The following MINDY3 variants were observed in gnomAD, a reference collection of about 807,000 sequenced individuals.
The protein encoded by MINDY3 is ubiquitin carboxyl-terminal hydrolase MINDY-3.
Under a neutral mutation model 69.2 loss-of-function variants are expected in MINDY3, and 38 were observed. That is an observed-to-expected ratio of 0.55 (90% CI 0.42 to 0.72). The LOEUF (loss-of-function observed/expected upper bound fraction) is 0.72. Ranked by LOEUF, MINDY3 falls within the 30% of genes least tolerant of loss-of-function variation. The pLI, the probability that MINDY3 is intolerant of heterozygous loss-of-function variation, is 0.00. For synonymous variants in MINDY3, 192 were observed against 180.1 expected (o/e 1.07, Z -0.53); for missense variants, 522 against 519.0 (o/e 1.01, Z -0.06).
At chr10:15,854,329 C>T (rs967243791) in intron 1 of MINDY3, among the ~76,000 whole-genome samples, 6 of 152,088 alleles carry the variant, frequency 3.9e-5, no homozygotes, top group Admixed American at 6.6e-5. Flanking sequence ...TTTTCTGCAT[C>T]CACTTCAACC....
chr10:15,842,920 A>AG, intron 3 of MINDY3, among the ~76,000 whole-genome samples: 1 of 151,662 alleles, frequency 6.6e-6, no homozygotes, highest in African/African-American at 2.4e-5. Context: ...AAAAAAAAAA[A>AG]AAAAGACTGT....
chr10:15,795,210 C>T (rs1837723016), intron 11 of MINDY3, among the ~76,000 whole-genome samples: 1 of 152,004 alleles, frequency 6.6e-6, no homozygotes, highest in African/African-American at 2.4e-5. Context: ...CCTCTAAGAA[C>T]TAGTTACAGT....
intron 14 of MINDY3, among the ~76,000 whole-genome samples, chr10:15,781,418 T>C (rs1564446764): frequency 6.7e-6 from 1 of 149,040 alleles, no homozygotes; most frequent in East Asian, 1.9e-4. Flanking sequence ...TATATATATA[T>C]ACTATAACTA....
intron 10 of MINDY3, among the ~76,000 whole-genome samples, chr10:15,801,725 A>C (rs1838272493): frequency 6.6e-6 from 1 of 152,142 alleles, no homozygotes; most frequent in African/African-American, 2.4e-5. Context: ...TACAGTACTG[A>C]AGAGGCCATC....
At chr10:15,781,110 C>T (rs1217353281) in intron 14 of MINDY3, among the ~76,000 whole-genome samples, 1 of 152,016 alleles carries the variant, frequency 6.6e-6, no homozygotes, top group Admixed American at 6.6e-5. Context: ...AAAACAACAT[C>T]CAAGTTTGCA....
At chr10:15,795,437 C>T (rs1385279221) in intron 11 of MINDY3, among the ~76,000 whole-genome samples, 1 of 151,834 alleles carries the variant, frequency 6.6e-6, no homozygotes, top group African/African-American at 2.4e-5. Context: ...TTCACGGATA[C>T]AGCAACTTCC....
chr10:15,844,566 T>C (rs982587341), intron 2 of MINDY3, among the ~76,000 whole-genome samples: 3 of 152,236 alleles, frequency 2.0e-5, no homozygotes, highest in African/African-American at 7.2e-5. Context: ...ATTATTTAAA[T>C]TACATTATTG....
intron 10 of MINDY3, among the ~76,000 whole-genome samples, chr10:15,799,500 A>C (rs1481464744): frequency 6.6e-6 from 1 of 152,146 alleles, no homozygotes. Flanking sequence ...ACCAGCCTTT[A>C]ACATTTATTA....
intron 4 of MINDY3, among the ~76,000 whole-genome samples, chr10:15,839,509 G>A (rs1833315116): frequency 6.6e-6 from 1 of 151,580 alleles, no homozygotes; most frequent in Non-Finnish European, 1.5e-5. Context: ...AAATTATACT[G>A]CTTGTTCTGC....
chr10:15,802,068 TA>T (rs1044634767), intron 10 of MINDY3, among the ~76,000 whole-genome samples: 1 of 151,536 alleles, frequency 6.6e-6, no homozygotes, highest in African/African-American at 2.4e-5. Context: ...ATAATACATA[TA>T]AAATACAAAA....
intron 10 of MINDY3, among the ~76,000 whole-genome samples, chr10:15,799,219 A>AGAT (rs2131896393): frequency 6.6e-6 from 1 of 152,096 alleles, no homozygotes; most frequent in East Asian, 1.9e-4. Context: ...TATTTTTTTT[A>AGAT]GATGGAATCT....
chr10:15,831,896 G>A (rs553419410), intron 8 of MINDY3, among the ~76,000 whole-genome samples: 2 of 152,050 alleles, frequency 1.3e-5, no homozygotes, highest in Admixed American at 6.5e-5. Context: ...GGCTGGTCTC[G>A]AACTCCTCAC....
chr10:15,836,400 T>G (rs1260144120), intron 6 of MINDY3, among the ~76,000 whole-genome samples: 1 of 152,028 alleles, frequency 6.6e-6, no homozygotes, highest in African/African-American at 2.4e-5. Flanking sequence ...ATGGAATTAT[T>G]AATGTGCCAT....
intron 10 of MINDY3, among the ~76,000 whole-genome samples, chr10:15,802,778 A>G (rs2131914335): frequency 1.3e-5 from 2 of 152,186 alleles, no homozygotes; most frequent in African/African-American, 4.8e-5. Context: ...TGTAACTGTC[A>G]TTACTAATAC....
rs1833963367 is a variant in MINDY3, at chr10:15,847,853, G to A, written c.174+11C>T. ...GTCCCTCTAAGGAGTTGGTAAAGGAGTCTATGTTACCTGAACAGGTGCAAT... is the reference window on the plus strand; with the variant it reads ...GTCCCTCTAAGGAGTTGGTAAAGGAATCTATGTTACCTGAACAGGTGCAAT... On this transcript the variant is annotated intron_variant, in intron 2 of 14. Coordinates refer to ENST00000277632, the MANE Select transcript of MINDY3 (RefSeq NM_024948.4). The A allele has an allele frequency of 1.9e-6, 3 of 1,606,768 alleles. No individual in the cohort carries two copies. The highest frequency in any genetic ancestry group is 2.7e-5 in the African/African-American group (2 of 74,896).
Position 15,789,328 on chromosome 10 carries a change from G to GA in MINDY3, c.956-10dup, listed in dbSNP as rs371173416. ...GGGTATGAATCCATTATCTAGGGGG[G>GA]AAAAAATCAGAAACAACTTGAAATA... On this transcript the variant is annotated splice_polypyrimidine_tract_variant and intron_variant, in intron 11 of 14. Transcript: ENST00000277632. The GA allele has an allele frequency of 1.1e-3, 1,774 of 1,595,718 alleles. 22 individuals carry two copies. The African/African-American group carries it at 0.02, about 18-fold the overall frequency.
chr10:15,796,215 T>C (rs981614471), intron 10 of MINDY3, 43 bp from the exon 11 acceptor site: 6 of 1,517,710 alleles, frequency 4.0e-6, no homozygotes, highest in East Asian at 4.5e-5. Context: ...TACAGTATTA[T>C]GACATTAAAA....
Position 15,860,353 on chromosome 10 carries a change from G to T in MINDY3, c.-54C>A. 1 of 1,331,442 alleles carries T rather than the reference G, an allele frequency of 7.5e-7. No homozygotes were observed. Among genetic ancestry groups the T allele is most frequent in the Middle Eastern group, 1.8e-4 (1 of 5,514 alleles). The allele number at this position is 1,331,442 out of a possible 1,614,324, so 82.5% of individuals were successfully genotyped here. On this transcript the variant is annotated 5_prime_UTR_variant, in exon 1 of 15. Transcript: ENST00000277632. ...TTTGCGGACTCCTGCCCCGGAACAT[G>T]GGGAAGGGGCAACTCCGGAAACAGC... is the stretch of plus-strand genomic sequence containing the variant.
rs150572760 is a variant in MINDY3 at position 15,855,682 on chromosome 10, T to C, written c.94+4524A>G. 5.5e-4 allele frequency among the ~76,000 whole-genome samples: 83 copies of C among 152,222 alleles called. 1 individual carries two copies. In the East Asian group the frequency reaches 0.01, roughly 18 times the overall value. ...ATACATATACACATTTTGCACACCATTTTGACAACTATACCTTCTACAATT... is the reference window on the plus strand; with the variant it reads ...ATACATATACACATTTTGCACACCACTTTGACAACTATACCTTCTACAATT... On this transcript the variant is annotated intron_variant, in intron 1 of 14. Transcript: ENST00000277632.
Sources: gnomAD v4.1 joint callset for allele counts (sites outside exome capture counted in the v4.1 genomes callset) on GRCh38, gnomAD v4.1.1 for gene constraint, MANE v1.5 for transcripts, NCBI Gene and HGNC (gene_info 2026-07-23, HGNC 2026-07-21) for gene names.